The following BMPR1B variants were observed in gnomAD, a reference collection of about 807,000 sequenced individuals.
BMPR1B encodes the protein bone morphogenetic protein receptor type-1B.
Under a neutral mutation model 59.1 loss-of-function variants are expected in BMPR1B, and 12 were observed. The observed-to-expected ratio is 0.20, with a 90% CI of 0.13 to 0.33. The LOEUF (loss-of-function observed/expected upper bound fraction) is 0.33, where lower values mean the gene tolerates loss of function less well. Among genes scored for constraint, BMPR1B ranks in the 10% least tolerant of loss-of-function variants. The pLI is 1.00. For synonymous variants in BMPR1B, 237 were observed against 207.3 expected (o/e 1.14, Z -1.23); for missense variants, 550 against 610.9 (o/e 0.90, Z 1.05).
At chr4:94,861,767 C>A (rs1725986871) in intron 1 of BMPR1B, among the ~76,000 whole-genome samples, 1 of 152,046 alleles carries the variant, frequency 6.6e-6, no homozygotes, top group African/African-American at 2.4e-5. Context: ...AATCCATTTT[C>A]CAAAAGAGAA....
At chr4:95,033,420 T>C (rs900570512) in intron 3 of BMPR1B, among the ~76,000 whole-genome samples, 11 of 152,272 alleles carry the variant, frequency 7.2e-5, no homozygotes, top group African/African-American at 2.4e-4. Context: ...TTTATAGTTT[T>C]AGCTCTTATG....
intron 3 of BMPR1B, among the ~76,000 whole-genome samples, chr4:95,043,181 CAAAAAAAAA>C (rs751904820): frequency 1.2e-4 from 6 of 51,454 alleles, no homozygotes; most frequent in South Asian, 1.1e-3. Context: ...GACTCCGTCT[CAAAAAAAAA>C]AAAAAAAAAA....
intron 2 of BMPR1B, among the ~76,000 whole-genome samples, chr4:94,990,697 G>GTTGTTA (rs1721679749): frequency 6.6e-6 from 1 of 151,888 alleles, no homozygotes; most frequent in South Asian, 2.1e-4. Context: ...TGTTGTTGTT[G>GTTGTTA]TTGTTGTTTT....
At chr4:94,871,385 A>G (rs531411891) in intron 1 of BMPR1B, among the ~76,000 whole-genome samples, 2 of 152,330 alleles carry the variant, frequency 1.3e-5, no homozygotes, top group South Asian at 2.1e-4. Flanking sequence ...AAGGCTTCAC[A>G]TGCATTTCAT....
intron 2 of BMPR1B, among the ~76,000 whole-genome samples, chr4:94,916,305 T>A: frequency 6.6e-6 from 1 of 151,868 alleles, no homozygotes; most frequent in East Asian, 1.9e-4. Flanking sequence ...TGAAGGAAAA[T>A]TTGGGATTTC....
intron 2 of BMPR1B, among the ~76,000 whole-genome samples, chr4:94,937,719 GACACACACAC>G (rs70946570): frequency 6.8e-6 from 1 of 147,624 alleles, no homozygotes; most frequent in African/African-American, 2.5e-5. Context: ...CACACACACA[GACACACACAC>G]ACACACACAG....
chr4:94,982,811 C>T (rs1004908630), intron 2 of BMPR1B, among the ~76,000 whole-genome samples: 8 of 151,868 alleles, frequency 5.3e-5, no homozygotes, highest in African/African-American at 1.7e-4. Flanking sequence ...GGTGAAACCC[C>T]GTCTCTACTA....
chr4:94,867,173 A>G (rs922070234), intron 1 of BMPR1B, among the ~76,000 whole-genome samples: 1 of 152,174 alleles, frequency 6.6e-6, no homozygotes, highest in Non-Finnish European at 1.5e-5. Flanking sequence ...CTCTCATTCT[A>G]GCATGGCTAA....
Position 95,154,930 on chromosome 4 carries a change from C to T in BMPR1B, c.*257C>T. ...CTTGTTCAAGATATGATGCATGTTG[C>T]TTTCTAAGAAAGCCCTGTATTTTGT... On this transcript the variant is annotated 3_prime_UTR_variant, in exon 13 of 13. Transcript: ENST00000515059. 8 of 437,540 alleles carry T rather than the reference C, an allele frequency of 1.8e-5. No individual in the cohort carries two copies. Among genetic ancestry groups the T allele is most frequent in the Non-Finnish European group, 2.9e-5 (7 of 242,568 alleles). The allele number at this position is 437,540 out of a possible 1,614,324, so 27.1% of individuals were successfully genotyped here.
chr4:95,107,874 T>C (rs1043621405), intron 4 of BMPR1B, among the ~76,000 whole-genome samples: 2 of 152,044 alleles, frequency 1.3e-5, no homozygotes, highest in Non-Finnish European at 2.9e-5. Context: ...TCCTGTGAGC[T>C]GAGATCAGTC....
At chr4:95,149,379 A>G (rs563513501) in intron 11 of BMPR1B, among the ~76,000 whole-genome samples, 59 of 152,216 alleles carry the variant, frequency 3.9e-4, no homozygotes, top group Non-Finnish European at 2.9e-4. Flanking sequence ...TACCTGCTGT[A>G]TTTTTTATAA....
At chr4:94,870,311 C>G (rs1342190729) in intron 1 of BMPR1B, among the ~76,000 whole-genome samples, 1 of 147,276 alleles carries the variant, frequency 6.8e-6, no homozygotes, top group Non-Finnish European at 1.5e-5. Context: ...CTCTTAATCA[C>G]TGTGTCTGTG....
intron 2 of BMPR1B, among the ~76,000 whole-genome samples, chr4:94,978,992 T>G (rs1026661291): frequency 4.0e-5 from 6 of 149,626 alleles, no homozygotes; most frequent in Non-Finnish European, 7.4e-5. Flanking sequence ...AAGGTAAGAG[T>G]AGAAGTTGTC....
At chr4:94,921,980 T>C (rs1728706689) in intron 2 of BMPR1B, among the ~76,000 whole-genome samples, 1 of 152,130 alleles carries the variant, frequency 6.6e-6, no homozygotes, top group African/African-American at 2.4e-5. Context: ...TTTTCTTTCC[T>C]TTTTTGTTGG....
At chr4:94,829,919 C>T (rs1215207286) in intron 1 of BMPR1B, among the ~76,000 whole-genome samples, 1 of 152,150 alleles carries the variant, frequency 6.6e-6, no homozygotes, top group Non-Finnish European at 1.5e-5. Flanking sequence ...GGAAGCTTCT[C>T]TTTGAGCAGT....
chr4:95,087,366 G>A (rs923783837), intron 3 of BMPR1B, among the ~76,000 whole-genome samples: 10 of 151,688 alleles, frequency 6.6e-5, no homozygotes, highest in African/African-American at 1.9e-4. Flanking sequence ...AGAGATAGAT[G>A]TGTGTGTGTG....
chr4:94,821,713 G>A (rs1010109614), intron 1 of BMPR1B, among the ~76,000 whole-genome samples: 7 of 152,260 alleles, frequency 4.6e-5, no homozygotes, highest in African/African-American at 1.4e-4. Flanking sequence ...TGTTAAATTC[G>A]ATGGATTTAA....
chr4:95,028,078 G>C (rs1289114246), intron 3 of BMPR1B, among the ~76,000 whole-genome samples: 3 of 152,188 alleles, frequency 2.0e-5, no homozygotes, highest in African/African-American at 7.2e-5. Context: ...TGAGGCACTA[G>C]CATTGTGTAA....
At chr4:95,108,110 C>T (rs571607162) in intron 4 of BMPR1B, among the ~76,000 whole-genome samples, 4 of 152,104 alleles carry the variant, frequency 2.6e-5, no homozygotes, top group East Asian at 1.9e-4. Context: ...TTTTAAAATA[C>T]TTACAAAATA....
Sources: gnomAD v4.1 joint callset for allele counts (sites outside exome capture counted in the v4.1 genomes callset) on GRCh38, gnomAD v4.1.1 for gene constraint, MANE v1.5 for transcripts, NCBI Gene and HGNC (gene_info 2026-07-23, HGNC 2026-07-21) for gene names.